Variants in FAM178B observed in about 807,000 individuals in gnomAD.
The protein encoded by FAM178B is family with sequence similarity 178 member B.
Under a neutral mutation model 91.7 loss-of-function variants are expected in FAM178B, and 82 were observed. The observed-to-expected ratio is 0.89, with a 90% confidence interval of 0.75 to 1.07. FAM178B has a LOEUF of 1.07. Ranked by LOEUF, FAM178B falls within the 50% of genes least tolerant of loss-of-function variation. The pLI is 0.00. For synonymous variants in FAM178B, 368 were observed against 359.4 expected, an observed-to-expected ratio of 1.02 and a Z score of -0.27; for missense variants, 769 against 846.7, an observed-to-expected ratio of 0.91 and a Z score of 1.14.
chr2:96,967,544 T>C lies in FAM178B; in HGVS notation c.710A>G (p.Glu237Gly). 6.5e-7 allele frequency: 1 copy of C among 1,550,292 alleles called. No individual in the cohort carries two copies. The highest frequency in any genetic ancestry group is 8.7e-7 in the Non-Finnish European group (1 of 1,146,612). Residue 237 changes from glutamate (E) to glycine (G), a missense_variant, in exon 5 of 17, where the codon GAA (glutamate) becomes GGA (glycine). Coordinates refer to ENST00000490605, the MANE Select transcript of FAM178B (RefSeq NM_001122646.3). ...CCTGTGCTCGGGTGTGAGTGGCACT[T>C]CCTCTTCATCAAGATCCAAGGAGTT... ...NLNSLDLDEE[E>G]VPLTPEHRML...
At chr2:96,888,902 CA>C (rs1217869628) in intron 14 of FAM178B, among the ~76,000 whole-genome samples, 4 of 152,222 alleles carry the variant, frequency 2.6e-5, no homozygotes, top group Non-Finnish European at 5.9e-5. Flanking sequence ...TCCCCGCCAA[CA>C]ACTCCATTCT....
chr2:96,900,646 C>T (rs2080910264), intron 13 of FAM178B, among the ~76,000 whole-genome samples: 1 of 152,134 alleles, frequency 6.6e-6, no homozygotes, highest in Admixed American at 6.5e-5. Context: ...CAGGAAGGCC[C>T]CTTGCAGAGG....
Position 96,970,760 on chromosome 2 carries a change from T to C in FAM178B, c.582A>G (p.Ser194=). The stretch of plus-strand genomic sequence containing the variant: ...AGTCCAGGTTGTTGAAGTAGCTTCC[T>C]GAGCCCCCCCAGGAAAACTGGAGAA... The part of the protein sequence containing the change: ...AAAPEFSWGG[S]GSYFNNLDYL... Residue 194 remains serine (S), a synonymous_variant, in exon 4 of 17, where the codon TCA becomes TCG. Coordinates refer to ENST00000490605, the MANE Select transcript of FAM178B (RefSeq NM_001122646.3). 1.3e-6 allele frequency: 2 copies of C among 1,551,228 alleles called. No individual in the cohort carries two copies. The highest frequency in any genetic ancestry group is 1.7e-6 in the Non-Finnish European group (2 of 1,146,750).
chr2:96,890,104 G>A (rs1023012836), intron 14 of FAM178B, among the ~76,000 whole-genome samples: 8 of 151,976 alleles, frequency 5.3e-5, no homozygotes, highest in Non-Finnish European at 1.0e-4. Flanking sequence ...GGCAAAACCC[G>A]TCTCTACTAA....
chr2:96,960,838 C>T (rs1261229078), intron 5 of FAM178B, among the ~76,000 whole-genome samples: 1 of 152,154 alleles, frequency 6.6e-6, no homozygotes, highest in Non-Finnish European at 1.5e-5. Flanking sequence ...GCCTACAGGG[C>T]GGCTCCATAA....
At chr2:96,906,907 TTG>T (rs2081067049) in intron 12 of FAM178B, among the ~76,000 whole-genome samples, 1 of 152,148 alleles carries the variant, frequency 6.6e-6, no homozygotes, top group Non-Finnish European at 1.5e-5. Context: ...AATCCAAAAC[TTG>T]AGGCCTGCGC....
At chr2:96,923,698 A>G (rs2081385679) in intron 9 of FAM178B, 115 bp from the exon 10 acceptor site, 4 of 728,936 alleles carry the variant, frequency 5.5e-6, no homozygotes, top group Admixed American at 2.1e-5. Context: ...TGGACACAGC[A>G]AATTCTTCCA....
rs758827906 is a variant in FAM178B, at chr2:96,970,794, T to G, written c.565-17A>C. On this transcript the variant is annotated splice_polypyrimidine_tract_variant and intron_variant, in intron 3 of 16. Transcript: ENST00000490605. ...CCAGGAAAACTGGAGAAACAGGACA[T>G]GGGAATGAGGACGACAGAGAAGTAC... 5.8e-6 allele frequency: 9 copies of G among 1,538,574 alleles called. No homozygotes were observed. The South Asian group carries it at 1.1e-4, about 18-fold the overall frequency.
intron 1 of FAM178B, among the ~76,000 whole-genome samples, chr2:96,982,735 ATTTTTTTTTTTTT>A (rs58540459): frequency 9.6e-5 from 5 of 52,232 alleles, no homozygotes; most frequent in East Asian, 6.3e-4. Context: ...TGCCCAGCTA[ATTTTTTTTTTTTT>A]TTTTTTTTTT....
At chr2:96,891,951 C>T (rs1200302738) in intron 14 of FAM178B, among the ~76,000 whole-genome samples, 2 of 152,214 alleles carry the variant, frequency 1.3e-5, no homozygotes, top group Non-Finnish European at 2.9e-5. Context: ...TCAGTTTCCC[C>T]ATGGCACTGA....
rs573450396 is a variant in FAM178B, at chr2:96,900,364, C to T, written c.1650+2256G>A. On this transcript the variant is annotated intron_variant, in intron 13 of 16. Coordinates refer to ENST00000490605, the MANE Select transcript of FAM178B (RefSeq NM_001122646.3). ...AAGGTCTCAGCTGGGGCACGTTCTC[C>T]CCATGCACCCCGACGACCCACCTGG... 6.4e-4 allele frequency among the ~76,000 whole-genome samples: 97 copies of T among 152,096 alleles called. 1 individual carries two copies. The highest frequency in any genetic ancestry group is 1.1e-3 in the Non-Finnish European group (76 of 67,998).
intron 12 of FAM178B, among the ~76,000 whole-genome samples, chr2:96,919,502 T>C (rs2081297266): frequency 6.6e-6 from 1 of 152,214 alleles, no homozygotes; most frequent in African/African-American, 2.4e-5. Flanking sequence ...TGGTCCTGGC[T>C]GTCACGGAGT....
At chr2:96,936,423 G>A (rs13002702) in intron 8 of FAM178B, among the ~76,000 whole-genome samples, 10 of 150,936 alleles carry the variant, frequency 6.6e-5, no homozygotes, top group East Asian at 2.0e-4. Flanking sequence ...GGATGGTCTC[G>A]ATCTCCCGAC....
intron 13 of FAM178B, 42 bp downstream of exon 13, chr2:96,902,578 C>T (rs1441518715): frequency 7.1e-7 from 1 of 1,416,890 alleles, no homozygotes; most frequent in Admixed American, 2.0e-5. Flanking sequence ...CCAGAGCCCG[C>T]AGGCCATGGC....
intron 13 of FAM178B, 108 bp from the exon 14 acceptor site, chr2:96,894,159 A>G (rs2080752969): frequency 7.4e-7 from 1 of 1,346,310 alleles, no homozygotes; most frequent in African/African-American, 1.5e-5. Context: ...GTGTTAGGGC[A>G]CTGGCTTCTG....
intron 7 of FAM178B, 124 bp from the exon 8 acceptor site, chr2:96,948,026 G>T: frequency 1.6e-6 from 1 of 611,400 alleles, no homozygotes; most frequent in Non-Finnish European, 3.0e-6. Context: ...AAGTCTGTGT[G>T]GTAGAAGGAC....
chr2:96,929,060 A>G, intron 9 of FAM178B, 146 bp downstream of exon 9: 1 of 630,156 alleles, frequency 1.6e-6, no homozygotes, highest in Non-Finnish European at 2.8e-6. Flanking sequence ...CAGGAGGCTG[A>G]GGTGGGAGGA....
At chr2:96,913,294 C>G (rs961653585) in intron 12 of FAM178B, among the ~76,000 whole-genome samples, 12 of 152,182 alleles carry the variant, frequency 7.9e-5, no homozygotes, top group Admixed American at 6.5e-4. Flanking sequence ...TGGCCAGGAA[C>G]TCGCTGTGGC....
intron 14 of FAM178B, among the ~76,000 whole-genome samples, chr2:96,880,874 G>T (rs1013366818): frequency 1.3e-5 from 2 of 152,232 alleles, no homozygotes; most frequent in African/African-American, 4.8e-5. Flanking sequence ...GATTACAGGC[G>T]TGAGCCACCG....
Sources: allele counts gnomAD v4.1 joint callset (sites outside exome capture counted in the v4.1 genomes callset), GRCh38; gene constraint gnomAD v4.1.1; transcripts MANE v1.5; gene names NCBI Gene and HGNC (gene_info 2026-07-23, HGNC 2026-07-21).